ZFP91: variants seen among roughly 807,000 people sequenced by gnomAD.
ZFP91 encodes the protein ZFP91 zinc finger protein, atypical E3 ubiquitin ligase, also known as E3 ubiquitin-protein ligase ZFP91.
ZFP91 carries 7 observed loss-of-function variants against 63.5 expected under a neutral mutation model. That is an observed-to-expected ratio of 0.11 (90% CI 0.06 to 0.21). The LOEUF is 0.21. ZFP91 is among the 10% of genes least tolerant of loss of function. ZFP91 has a pLI of 1.00. For missense variants in ZFP91, 628 were observed against 736.6 expected, an observed-to-expected ratio of 0.85 and a Z score of 1.71; for synonymous variants, 330 against 272.1, an observed-to-expected ratio of 1.21 and a Z score of -2.10.
rs1366431952 is a variant in ZFP91, at chr11:58,620,255, T to C, written c.*2549T>C. Reference sequence around the variant, plus strand: ...CTTTTGATAAAGGGATGCTGCATAGTAGAGTTGGTGTAATTAAACTATCTC... The same window carrying C: ...CTTTTGATAAAGGGATGCTGCATAGCAGAGTTGGTGTAATTAAACTATCTC... On this transcript the variant is annotated 3_prime_UTR_variant, in exon 11 of 11. Coordinates refer to ENST00000316059, the MANE Select transcript of ZFP91 (RefSeq NM_053023.5). 1 of 152,224 alleles carries C rather than the reference T, an allele frequency of 6.6e-6. No individual in the cohort carries two copies. The highest frequency in any genetic ancestry group is 1.5e-5 in the Non-Finnish European group (1 of 68,028). 9.4% of individuals were successfully genotyped at this position (152,224 alleles called of 1,614,324 possible). A position where few individuals can be genotyped will look rare whatever the true frequency, so the allele number is the denominator to read the frequency against.
rs957534103 is a variant in ZFP91 at position 58,612,895 on chromosome 11, T to A, written c.987+55T>A. ...CAGGTTGTGTTCCATTACTTGTTCT[T>A]GCACCACGAGACTTTAATTTGTTGG... is the stretch of plus-strand genomic sequence containing the variant. On this transcript the variant is annotated intron_variant, in intron 8 of 10. Transcript: ENST00000316059. 42 of 1,471,906 alleles carry A rather than the reference T, an allele frequency of 2.9e-5. No individual in the cohort carries two copies. The Admixed American group carries it at 6.7e-4, about 23-fold the overall frequency. The allele number at this position is 1,471,906 out of a possible 1,614,324, so 91.2% of individuals were successfully genotyped here. A position where few individuals can be genotyped will look rare whatever the true frequency, so the allele number is the denominator to read the frequency against.
chr11:58,611,072 C>T lies in ZFP91; in HGVS notation c.722+18C>T. ...TTAGAAAGGCATGTCTCAGATTTTA[C>T]TGCAGACATGTTAATGAAATATAAG... On this transcript the variant is annotated intron_variant, in intron 5 of 10. Transcript: ENST00000316059. The T allele has an allele frequency of 6.2e-7, 1 of 1,602,760 alleles. No homozygotes were observed.
intron 2 of ZFP91, among the ~76,000 whole-genome samples, chr11:58,592,454 A>C (rs1327774026): frequency 6.6e-6 from 1 of 152,102 alleles, no homozygotes; most frequent in Non-Finnish European, 1.5e-5. Context: ...TCATTATATC[A>C]TTACTTTGAC....
rs1488979340 is a variant in ZFP91 at position 58,621,178 on chromosome 11, G to T, written c.*3472G>T. The T allele has an allele frequency of 6.9e-6, 1 of 145,388 alleles. No homozygotes were observed. The highest frequency in any genetic ancestry group is 1.5e-5 in the Non-Finnish European group (1 of 65,934). The allele number at this position is 145,388 out of a possible 1,614,324, so 9.0% of individuals were successfully genotyped here. A position where few individuals can be genotyped will look rare whatever the true frequency, so the allele number is the denominator to read the frequency against. On this transcript the variant is annotated 3_prime_UTR_variant, in exon 11 of 11. Transcript: ENST00000316059. ...ATTGTTTGCTTTTGTTGAGAATCAG[G>T]TGGTTAATTTTTGACTGTTCTTGAT... is the stretch of plus-strand genomic sequence containing the variant.
Position 58,579,075 on chromosome 11 carries a change from C to G in ZFP91, c.-207C>G, listed in dbSNP as rs1399546865. The G allele has an allele frequency of 7.3e-5, 27 of 371,012 alleles. No homozygotes were observed. Among genetic ancestry groups the G allele is most frequent in the Middle Eastern group, 6.8e-4 (1 of 1,470 alleles). 23.0% of individuals were successfully genotyped at this position (371,012 alleles called of 1,614,324 possible). On this transcript the variant is annotated 5_prime_UTR_variant, in exon 1 of 11. Transcript: ENST00000316059. ...CCGCTGAGCGTCTGTGGCGCGCGCG[C>G]GCGCGCCGCCAGCGGTAGCGGACCT...
chr11:58,603,951 G>A (rs574736812), intron 2 of ZFP91, among the ~76,000 whole-genome samples: 8 of 152,262 alleles, frequency 5.3e-5, no homozygotes, highest in African/African-American at 1.9e-4. Flanking sequence ...TGATCTAGAT[G>A]ATGAGATTTG....
chr11:58,617,482 G>GA lies in ZFP91; in HGVS notation c.1490dup (p.Pro498AlafsTer16), dbSNP rs759797634. On this transcript the variant is annotated frameshift_variant, in exon 11 of 11. Transcript: ENST00000316059. LOFTEE classifies it high-confidence loss of function. This position sits in a 1 kb window ranked among gnomAD's most constrained non-coding sequence, Gnocchi z 4.2. ...TGGTCAGGGTCTTCCTCTTCTTCCT[G>GA]AGCCCTTGGGAAACTCAACCTCTGG... The GA allele has an allele frequency of 2.5e-6, 4 of 1,614,132 alleles. No homozygotes were observed. Among genetic ancestry groups the GA allele is most frequent in the Non-Finnish European group, 3.4e-6 (4 of 1,180,002 alleles).
intron 2 of ZFP91, among the ~76,000 whole-genome samples, chr11:58,598,786 G>T (rs1274204782): frequency 1.4e-5 from 2 of 142,984 alleles, no homozygotes; most frequent in East Asian, 2.0e-4. Flanking sequence ...GTGTGTGTGT[G>T]TTTTGAGGTG....
Sources: gnomAD v4.1 joint callset for allele counts (sites outside exome capture counted in the v4.1 genomes callset) on GRCh38, gnomAD v4.1.1 for gene constraint, Gnocchi (gnomAD v3.1) non-coding constraint, MANE v1.5 for transcripts, NCBI Gene and HGNC (gene_info 2026-07-23, HGNC 2026-07-21) for gene names.